The following GPHN variants were observed in gnomAD, a reference collection of about 807,000 sequenced individuals.
GPHN encodes the protein gephyrin.
Under a neutral mutation model 95.5 loss-of-function variants are expected in GPHN, and 17 were observed. The observed-to-expected ratio is 0.18, with a 90% CI of 0.12 to 0.27. The LOEUF is 0.27. GPHN is among the 10% of genes least tolerant of loss of function. GPHN has a pLI of 1.00. For synonymous variants in GPHN, 320 were observed against 322.5 expected (o/e 0.99, Z 0.08); for missense variants, 660 against 978.1 (o/e 0.67, Z 4.34).
chr14:67,126,053 C>G, intron 17 of GPHN, among the ~76,000 whole-genome samples: 1 of 152,078 alleles, frequency 6.6e-6, no homozygotes, highest in Non-Finnish European at 1.5e-5. Flanking sequence ...TTTAATAGTA[C>G]TATGAAGATT....
chr14:66,655,912 A>G (rs925385418), intron 1 of GPHN, among the ~76,000 whole-genome samples: 9 of 152,096 alleles, frequency 5.9e-5, no homozygotes, highest in Non-Finnish European at 2.9e-5. Flanking sequence ...TGATTTTTGA[A>G]TATTGAACCA....
chr14:66,921,298 G>T (rs2066202651), intron 6 of GPHN, among the ~76,000 whole-genome samples: 1 of 152,204 alleles, frequency 6.6e-6, no homozygotes, highest in Non-Finnish European at 1.5e-5. Context: ...TCTTGCAGGA[G>T]TAAGGTGGTA....
At chr14:67,666,587 A>C in the GPHN span, among the ~76,000 whole-genome samples, 4 of 152,232 alleles carry the variant, frequency 2.6e-5, no homozygotes, top group African/African-American at 7.2e-5. Context: ...TCTCTACCCA[A>C]CTGAGAGGGA....
chr14:67,692,552 C>T, the GPHN span: 29,775 of 1,608,198 alleles, frequency 0.019, 356 homozygotes, highest in Middle Eastern at 0.049. Flanking sequence ...GCCACCAATT[C>T]CCCCTTTTCC....
At chr14:66,519,429 C>A (rs2058382939) in intron 1 of GPHN, among the ~76,000 whole-genome samples, 3 of 152,130 alleles carry the variant, frequency 2.0e-5, no homozygotes, top group Middle Eastern at 3.4e-3. Flanking sequence ...CCTAACTAAC[C>A]AGTGTTTCAT....
intron 1 of GPHN, among the ~76,000 whole-genome samples, chr14:66,585,490 A>G (rs1048999066): frequency 1.3e-5 from 2 of 151,950 alleles, no homozygotes; most frequent in Admixed American, 6.6e-5. Context: ...TAGGGTGTCA[A>G]TTTTAGATCT....
chr14:66,677,939 A>G (rs1355562225), intron 1 of GPHN, among the ~76,000 whole-genome samples: 1 of 151,966 alleles, frequency 6.6e-6, no homozygotes, highest in African/African-American at 2.4e-5. Context: ...CTTGGCTTAT[A>G]ATGGTTCTGC....
chr14:66,702,317 C>A (rs1346733259), intron 2 of GPHN, among the ~76,000 whole-genome samples: 2 of 152,180 alleles, frequency 1.3e-5, no homozygotes, highest in Non-Finnish European at 2.9e-5. Flanking sequence ...TTAAACAGGT[C>A]CTGTTCCCTG....
At chr14:66,953,245 T>C (rs919121990) in intron 8 of GPHN, among the ~76,000 whole-genome samples, 13 of 148,942 alleles carry the variant, frequency 8.7e-5, no homozygotes, top group Non-Finnish European at 1.5e-4. Flanking sequence ...ATCAGAGATA[T>C]GATTTGCAAA....
At chr14:67,575,580 A>G in the GPHN span, 3 of 790,032 alleles carry the variant, frequency 3.8e-6, no homozygotes, top group Non-Finnish European at 6.6e-6. Context: ...CCCACAATAA[A>G]TACAAAATCA....
intron 9 of GPHN, among the ~76,000 whole-genome samples, chr14:67,005,902 A>G (rs1374571326): frequency 6.6e-6 from 1 of 151,544 alleles, no homozygotes; most frequent in South Asian, 2.1e-4. Context: ...TATTATATAT[A>G]TATTATATTT....
At chr14:67,668,666 A>G in the GPHN span, among the ~76,000 whole-genome samples, 2 of 151,872 alleles carry the variant, frequency 1.3e-5, no homozygotes, top group Non-Finnish European at 2.9e-5. Flanking sequence ...ACAGTGAAAA[A>G]AAGACAACAT....
At chr14:67,203,232 A>C in the GPHN span, 1 of 1,612,866 alleles carries the variant, frequency 6.2e-7, no homozygotes, top group Non-Finnish European at 8.5e-7. Context: ...CCAAAAAGAT[A>C]CAGAAACCCT....
At chr14:66,772,747 T>G (rs909369588) in intron 2 of GPHN, among the ~76,000 whole-genome samples, 1 of 152,222 alleles carries the variant, frequency 6.6e-6, no homozygotes, top group Non-Finnish European at 1.5e-5. Context: ...TATATGTTTT[T>G]AAAAATCAAA....
chr14:66,700,224 G>A (rs1195738082), intron 2 of GPHN, among the ~76,000 whole-genome samples: 1 of 152,184 alleles, frequency 6.6e-6, no homozygotes, highest in East Asian at 1.9e-4. Context: ...TTTGTTTTTA[G>A]GGGAGGAGGT....
At chr14:66,977,167 C>T (rs1387547013) in intron 9 of GPHN, among the ~76,000 whole-genome samples, 1 of 152,164 alleles carries the variant, frequency 6.6e-6, no homozygotes, top group African/African-American at 2.4e-5. Flanking sequence ...CGCGGTGGCT[C>T]ATGCCTGTAA....
the GPHN span, among the ~76,000 whole-genome samples, chr14:67,275,349 A>G: frequency 3.3e-5 from 5 of 152,174 alleles, no homozygotes; most frequent in Non-Finnish European, 7.3e-5. Flanking sequence ...AATTTTGTCA[A>G]AGGCCTTTTC....
chr14:67,116,475 G>C (rs892473884), intron 16 of GPHN, among the ~76,000 whole-genome samples: 2 of 152,030 alleles, frequency 1.3e-5, no homozygotes, highest in Non-Finnish European at 2.9e-5. Flanking sequence ...AATTATTCAT[G>C]TAACCAGATA....
the GPHN span, among the ~76,000 whole-genome samples, chr14:67,222,736 GA>G: frequency 1.4e-4 from 21 of 152,150 alleles, no homozygotes; most frequent in Non-Finnish European, 5.9e-5. Context: ...TCTCTTTGCT[GA>G]GTGCTGAACC....
Sources: gnomAD v4.1 joint callset for allele counts (sites outside exome capture counted in the v4.1 genomes callset) on GRCh38, gnomAD v4.1.1 for gene constraint, MANE v1.5 for transcripts, NCBI Gene and HGNC (gene_info 2026-07-23, HGNC 2026-07-21) for gene names.